The following MCOLN1 variants were observed in gnomAD, a reference collection of about 807,000 sequenced individuals.
MCOLN1 encodes the protein mucolipin TRP cation channel 1, also known as mucolipin-1.
A neutral mutation model predicts 70.3 loss-of-function variants in MCOLN1; 50 were observed. That is an observed-to-expected ratio of 0.71 (90% CI 0.57 to 0.90). MCOLN1 has a LOEUF of 0.90. MCOLN1 is among the 40% of genes least tolerant of loss of function. MCOLN1 has a pLI of 0.00. For missense variants in MCOLN1, 598 were observed against 803.5 expected, an observed-to-expected ratio of 0.74 and a Z score of 3.09; for synonymous variants, 366 against 341.0, an observed-to-expected ratio of 1.07 and a Z score of -0.81.
rs934661548 is a variant in MCOLN1 at position 7,526,061 on chromosome 19, CAAAAA to C, written c.238-376_238-372del. On this transcript the variant is annotated intron_variant, in intron 2 of 13. Transcript: ENST00000264079. The surrounding 1 kb of genome is among the most constrained non-coding windows in gnomAD (Gnocchi z 4.6). ...TGGGCAACAGAGTGAGACTCTGTCTCAAAAAAGAAAAGAAAAGGGACCCAGTCATG... is the reference window on the plus strand; with the variant it reads ...TGGGCAACAGAGTGAGACTCTGTCTCAGAAAAGAAAAGGGACCCAGTCATG... The C allele has an allele frequency of 3.0e-6, 1 of 335,964 alleles. No homozygotes were observed. The highest frequency in any genetic ancestry group is 7.6e-5 in the East Asian group (1 of 13,150). The allele number at this position is 335,964 out of a possible 1,614,324, so 20.8% of individuals were successfully genotyped here.
intron 4 of MCOLN1, 45 bp from the exon 5 acceptor site, chr19:7,527,475 G>A (rs369665155): frequency 1.9e-5 from 16 of 840,490 alleles, no homozygotes; most frequent in Non-Finnish European, 2.5e-5. Flanking sequence ...GACCAGCCTG[G>A]CCTCCCCGGC....
rs368666626 is a variant in MCOLN1, at chr19:7,524,934, C to T, written c.32-27C>T. ...GAAAAGGGGAGTTGCCCAGGCCTCACCCCAGTGCCCTCTCCTATTCCCACA... is the reference window on the plus strand; with the variant it reads ...GAAAAGGGGAGTTGCCCAGGCCTCATCCCAGTGCCCTCTCCTATTCCCACA... On this transcript the variant is annotated intron_variant, in intron 1 of 13. Transcript: ENST00000264079. The surrounding 1 kb of genome is among the most constrained non-coding windows in gnomAD (Gnocchi z 4.1). The T allele has an allele frequency of 4.4e-6, 7 of 1,600,958 alleles. No individual in the cohort carries two copies. The highest frequency in any genetic ancestry group is 6.0e-6 in the Non-Finnish European group (7 of 1,169,530).
Position 7,526,025 on chromosome 19 carries a change from G to C in MCOLN1, c.238-414G>C, listed in dbSNP as rs1255565913. 3.2e-6 allele frequency: 1 copy of C among 307,958 alleles called. No homozygotes were observed. The highest frequency in any genetic ancestry group is 6.3e-6 in the Non-Finnish European group (1 of 157,908). 19.1% of individuals were successfully genotyped at this position (307,958 alleles called of 1,614,324 possible). A position where few individuals can be genotyped will look rare whatever the true frequency, so the allele number is the denominator to read the frequency against. Reference sequence around the variant, plus strand: ...TGTAGTGAGCTGAGATCATACCATGGCACTCCAACTTGGGCAACAGAGTGA... The same window carrying C: ...TGTAGTGAGCTGAGATCATACCATGCCACTCCAACTTGGGCAACAGAGTGA... On this transcript the variant is annotated intron_variant, in intron 2 of 13. Transcript: ENST00000264079. This position sits in a 1 kb window ranked among gnomAD's most constrained non-coding sequence, Gnocchi z 4.6.
chr19:7,530,180 C>A (rs62111283), intron 11 of MCOLN1, 106 bp from the exon 12 acceptor site: 1 of 494,374 alleles, frequency 2.0e-6, no homozygotes, highest in South Asian at 2.5e-5. Context: ...TCATGTGGGG[C>A]CCCAGCCACC....
chr19:7,529,501 G>GGGGGC, intron 10 of MCOLN1, 89 bp from the exon 11 acceptor site: 2 of 747,250 alleles, frequency 2.7e-6, no homozygotes, highest in Non-Finnish European at 4.6e-6. Flanking sequence ...CCTCGGCAAG[G>GGGGGC]CCCCGCCCCT....
rs377437427 is a variant in MCOLN1, at chr19:7,525,211, C to T, written c.237+45C>T. 13 of 1,557,136 alleles carry T rather than the reference C, an allele frequency of 8.3e-6. No individual in the cohort carries two copies. Among genetic ancestry groups the T allele is most frequent in the African/African-American group, 2.7e-5 (2 of 73,814 alleles). ...GGCCCCAGCTGAAGGCCACCTGTGG[C>T]TGCTGTGCTCCTTGAAGAGAGTCTT... On this transcript the variant is annotated intron_variant, in intron 2 of 13. Transcript: ENST00000264079. The surrounding 1 kb of genome is among the most constrained non-coding windows in gnomAD (Gnocchi z 4.2).
chr19:7,530,345 G>C lies in MCOLN1; in HGVS notation c.1419G>C (p.Met473Ile). 6.2e-7 allele frequency: 1 copy of C among 1,613,874 alleles called. No homozygotes were observed. The highest frequency in any genetic ancestry group is 8.5e-7 in the Non-Finnish European group (1 of 1,180,044). Residue 473 changes from methionine to isoleucine, a missense_variant, in exon 12 of 14, where the codon ATG (methionine) becomes ATC (isoleucine). Transcript: ENST00000264079. The part of the protein sequence containing the change: ...CLFSLINGDD[M>I]FVTFAAMQAQ... ...TCTCGCTCATCAATGGGGACGACAT[G>C]TTTGTGACGTTCGCCGCCATGCAGG...
At position 7,533,799 on chromosome 19, in the gene MCOLN1, G is replaced by T; in HGVS notation, c.*4G>T. ...GCATTCGCTGCTGGTGAATTGATTCGACCTGACTGCCGTTGGACCGTAGGC... is the reference window on the plus strand; with the variant it reads ...GCATTCGCTGCTGGTGAATTGATTCTACCTGACTGCCGTTGGACCGTAGGC... On this transcript the variant is annotated 3_prime_UTR_variant, in exon 14 of 14. Transcript: ENST00000264079. 1 of 1,614,102 alleles carries T rather than the reference G, an allele frequency of 6.2e-7. No homozygotes were observed. The highest frequency in any genetic ancestry group is 1.3e-5 in the African/African-American group (1 of 75,038).
rs745680669 is a variant in MCOLN1, at chr19:7,530,480, C to T, written c.1554C>T (p.Thr518=). Residue 518 remains threonine (T), a synonymous_variant, in exon 12 of 14, where the codon ACC becomes ACT. Transcript: ENST00000264079. ...TCAGCCTCTTCATCGCGCTCATCAC[C>T]GGCGCCTACGACACCATCAAGGTCA... ...MVLSLFIALI[T]GAYDTIKHPG... 1.5e-5 allele frequency: 24 copies of T among 1,610,568 alleles called. No individual in the cohort carries two copies. The highest frequency in any genetic ancestry group is 9.9e-5 in the South Asian group (9 of 91,080).
chr19:7,529,508 C>A, intron 10 of MCOLN1, 82 bp from the exon 11 acceptor site: 1 of 777,980 alleles, frequency 1.3e-6, no homozygotes, highest in Non-Finnish European at 2.2e-6. Context: ...AAGGCCCCGC[C>A]CCTCCCACCC....
rs1301848129 is a variant in MCOLN1 at position 7,526,048 on chromosome 19, T to A, written c.238-391T>A. ...TGGCACTCCAACTTGGGCAACAGAG[T>A]GAGACTCTGTCTCAAAAAAGAAAAG... On this transcript the variant is annotated intron_variant, in intron 2 of 13. Transcript: ENST00000264079. The surrounding 1 kb of genome is among the most constrained non-coding windows in gnomAD (Gnocchi z 4.6). The A allele has an allele frequency of 1.8e-5, 6 of 325,734 alleles. No individual in the cohort carries two copies. The highest frequency in any genetic ancestry group is 3.6e-5 in the Non-Finnish European group (6 of 167,266). 20.2% of individuals were successfully genotyped at this position (325,734 alleles called of 1,614,324 possible). A position where few individuals can be genotyped will look rare whatever the true frequency, so the allele number is the denominator to read the frequency against.
chr19:7,531,453 G>C (rs1272800869), intron 12 of MCOLN1, among the ~76,000 whole-genome samples: 1 of 152,026 alleles, frequency 6.6e-6, no homozygotes, highest in Non-Finnish European at 1.5e-5. Context: ...CACCTGCCTT[G>C]GCCTCCCAAG....
intron 4 of MCOLN1, chr19:7,527,270 T>TAAA: frequency 8.3e-6 from 2 of 242,290 alleles, no homozygotes; most frequent in Non-Finnish European, 1.4e-5. Context: ...AGACCCTGTC[T>TAAA]CAAAAAAAAA....
At chr19:7,527,206 A>G (rs2022584108) in intron 4 of MCOLN1, 1 of 497,026 alleles carries the variant, frequency 2.0e-6, no homozygotes. Flanking sequence ...CGGGAGGTTG[A>G]GGCTGCAGTA....
intron 13 of MCOLN1, 47 bp downstream of exon 13, chr19:7,533,700 G>A (rs2022707236): frequency 1.9e-6 from 3 of 1,614,138 alleles, no homozygotes. Context: ...TTAGGGAATG[G>A]GGAAAGGGGA....
rs1470913655 is a variant in MCOLN1, at chr19:7,525,458, A to T, written c.237+292A>T. 2 of 384,812 alleles carry T rather than the reference A, an allele frequency of 5.2e-6. No homozygotes were observed. Among genetic ancestry groups the T allele is most frequent in the Non-Finnish European group, 1.0e-5 (2 of 200,444 alleles). 23.8% of individuals were successfully genotyped at this position (384,812 alleles called of 1,614,324 possible). ...CCGTGAGCTGAAATCATGCCACTGCACTCCAGCCTGGGCAACAGAGCAAGA... is the reference window on the plus strand; with the variant it reads ...CCGTGAGCTGAAATCATGCCACTGCTCTCCAGCCTGGGCAACAGAGCAAGA... On this transcript the variant is annotated intron_variant, in intron 2 of 13. Coordinates refer to ENST00000264079, the MANE Select transcript of MCOLN1 (RefSeq NM_020533.3). The surrounding 1 kb of genome is among the most constrained non-coding windows in gnomAD (Gnocchi z 4.2).
chr19:7,533,815 G>T lies in MCOLN1; in HGVS notation c.*20G>T. ...AATTGATTCGACCTGACTGCCGTTG[G>T]ACCGTAGGCCCTGGACTGCAGAGAC... On this transcript the variant is annotated 3_prime_UTR_variant, in exon 14 of 14. Coordinates refer to ENST00000264079, the MANE Select transcript of MCOLN1 (RefSeq NM_020533.3). 1 of 1,614,066 alleles carries T rather than the reference G, an allele frequency of 6.2e-7. No homozygotes were observed. The highest frequency in any genetic ancestry group is 8.5e-7 in the Non-Finnish European group (1 of 1,179,974).
At chr19:7,533,119 C>A (rs2022685436) in intron 12 of MCOLN1, among the ~76,000 whole-genome samples, 2 of 152,240 alleles carry the variant, frequency 1.3e-5, no homozygotes, top group South Asian at 4.1e-4. Context: ...GGAACTACTT[C>A]CTGTCTTGCC....
intron 5 of MCOLN1, 61 bp downstream of exon 5, chr19:7,527,689 A>C (rs1285007783): frequency 3.3e-6 from 4 of 1,223,990 alleles, no homozygotes; most frequent in Non-Finnish European, 4.9e-6. Context: ...AGGCACTCTC[A>C]CCCCAGCAAC....
Sources: allele counts gnomAD v4.1 joint callset (sites outside exome capture counted in the v4.1 genomes callset), GRCh38; gene constraint gnomAD v4.1.1; non-coding constraint Gnocchi (gnomAD v3.1); transcripts MANE v1.5; gene names NCBI Gene and HGNC (gene_info 2026-07-23, HGNC 2026-07-21).